Variants in KAZN observed in about 807,000 individuals in gnomAD.
KAZN encodes the protein kazrin, periplakin interacting protein.
A neutral mutation model predicts 87.4 loss-of-function variants in KAZN; 40 were observed. The ratio of observed to expected loss-of-function variants is 0.46; its 90% CI spans 0.36 to 0.60. The LOEUF (loss-of-function observed/expected upper bound fraction) is 0.60, where lower values mean the gene tolerates loss of function less well. Among genes scored for constraint, KAZN ranks in the 20% least tolerant of loss-of-function variants. The probability of loss-of-function intolerance (pLI) is 0.00; values close to 1 mark genes in which losing one functional copy is unlikely to be tolerated. For synonymous variants in KAZN, 466 were observed against 458.3 expected (o/e 1.02, Z -0.22); for missense variants, 898 against 1,073.9 (o/e 0.84, Z 2.29).
chr1:14,865,829 C>T (rs1651389191), intron 1 of KAZN, among the ~76,000 whole-genome samples: 1 of 152,140 alleles, frequency 6.6e-6, no homozygotes, highest in Non-Finnish European at 1.5e-5. Flanking sequence ...AAGAAGGCCA[C>T]GTGGATACAC....
At chr1:14,248,735 C>G (rs565757194) in intron 2 of KAZN, among the ~76,000 whole-genome samples, 3 of 152,228 alleles carry the variant, frequency 2.0e-5, no homozygotes, top group East Asian at 3.8e-4. Flanking sequence ...CTTTGACACT[C>G]TTCCCATGGA....
intron 1 of KAZN, among the ~76,000 whole-genome samples, chr1:14,722,262 T>G (rs1643155308): frequency 6.6e-6 from 1 of 152,232 alleles, no homozygotes; most frequent in Admixed American, 6.5e-5. Context: ...CGTTTTAGTA[T>G]GTGATGATCC....
intron 1 of KAZN, among the ~76,000 whole-genome samples, chr1:14,894,938 C>T (rs1352464848): frequency 3.3e-5 from 5 of 152,266 alleles, no homozygotes; most frequent in Admixed American, 2.0e-4. Context: ...TCAGCTGCCC[C>T]AGAGGCTTCT....
At chr1:14,460,453 G>GGCTTC (rs1301954037) in intron 2 of KAZN, among the ~76,000 whole-genome samples, 19 of 152,336 alleles carry the variant, frequency 1.2e-4, no homozygotes, top group Non-Finnish European at 4.4e-5. Flanking sequence ...TGGGGATGTT[G>GGCTTC]GCTTCTCTCT....
intron 1 of KAZN, among the ~76,000 whole-genome samples, chr1:13,992,548 G>A (rs754998628): frequency 6.6e-6 from 1 of 152,152 alleles, no homozygotes; most frequent in Non-Finnish European, 1.5e-5. Context: ...GCTGACTACT[G>A]TTAGCCAAAC....
At chr1:14,647,141 C>G (rs1680867569) in intron 1 of KAZN, among the ~76,000 whole-genome samples, 1 of 152,182 alleles carries the variant, frequency 6.6e-6, no homozygotes, top group African/African-American at 2.4e-5. Context: ...CTCAGAAAAG[C>G]CATTCCACTA....
rs1442824114 is a variant in KAZN at position 15,027,067 on chromosome 1, C to CTTTT, written c.419-7680_419-7679insTTTT. ...ACTTAGGCAGATTCCCAAGCCAGTG[C>CTTTT]TTCTTTTTTTTTTTTTTTTTTTTTT... On this transcript the variant is annotated intron_variant, in intron 2 of 14. Coordinates refer to ENST00000376030, the MANE Select transcript of KAZN (RefSeq NM_201628.3). Among the ~76,000 whole-genome samples the CTTTT allele has an allele frequency of 1.9e-3, 118 of 62,132 alleles. 2 individuals carry two copies. Among genetic ancestry groups the CTTTT allele is most frequent in the African/African-American group, 4.2e-3 (78 of 18,780 alleles). The allele number at this position is 62,132 out of a possible 152,430, so 40.8% of individuals were successfully genotyped here.
chr1:14,134,704 G>T (rs868469028), intron 1 of KAZN, among the ~76,000 whole-genome samples: 1 of 152,102 alleles, frequency 6.6e-6, no homozygotes. Context: ...TTTTCTAAAT[G>T]ATCCGCCTTG....
chr1:14,589,569 C>A (rs768067415), intron 2 of KAZN, among the ~76,000 whole-genome samples: 3 of 152,158 alleles, frequency 2.0e-5, no homozygotes, highest in Admixed American at 2.0e-4. Context: ...AGATTTTTCC[C>A]GGGGCACTTT....
intron 1 of KAZN, among the ~76,000 whole-genome samples, chr1:14,832,988 A>C (rs1311934886): frequency 6.6e-6 from 1 of 152,264 alleles, no homozygotes; most frequent in Non-Finnish European, 1.5e-5. Flanking sequence ...TGCACAGCTG[A>C]AAAGATATTT....
intron 1 of KAZN, among the ~76,000 whole-genome samples, chr1:14,051,318 A>G (rs1271561198): frequency 1.3e-5 from 2 of 152,152 alleles, no homozygotes; most frequent in Non-Finnish European, 2.9e-5. Context: ...CAGGCCAAGG[A>G]CAGGGCCCTA....
At chr1:14,876,571 T>C (rs1652791845) in intron 1 of KAZN, among the ~76,000 whole-genome samples, 1 of 152,166 alleles carries the variant, frequency 6.6e-6, no homozygotes, top group African/African-American at 2.4e-5. Context: ...CTGGACTGCC[T>C]GGATTCAAGT....
chr1:14,327,810 C>T (rs1656549020), intron 2 of KAZN, among the ~76,000 whole-genome samples: 2 of 152,170 alleles, frequency 1.3e-5, no homozygotes, highest in Admixed American at 1.3e-4. Flanking sequence ...ACTAAATTCA[C>T]AGGTGGCTGA....
At chr1:14,440,734 T>C (rs1666651500) in intron 2 of KAZN, among the ~76,000 whole-genome samples, 1 of 152,178 alleles carries the variant, frequency 6.6e-6, no homozygotes, top group African/African-American at 2.4e-5. Context: ...CTCTTCTGTT[T>C]TGGCAGAGGG....
At chr1:14,772,024 T>C (rs1420175031) in intron 1 of KAZN, among the ~76,000 whole-genome samples, 1 of 152,070 alleles carries the variant, frequency 6.6e-6, no homozygotes, top group Non-Finnish European at 1.5e-5. Context: ...AAATTGGTGC[T>C]CTTTCTAAGA....
chr1:14,705,431 A>G lies in KAZN; in HGVS notation c.226+106208A>G, dbSNP rs138785574. 6.6e-5 allele frequency among the ~76,000 whole-genome samples: 10 copies of G among 152,346 alleles called. No homozygotes were observed. The East Asian group carries it at 1.9e-3, about 29-fold the overall frequency. ...TGATCCAGCAATCCTACTACTGGACATTGATCCAAAGGAAAGGAAATCAGT... is the reference window on the plus strand; with the variant it reads ...TGATCCAGCAATCCTACTACTGGACGTTGATCCAAAGGAAAGGAAATCAGT... On this transcript the variant is annotated intron_variant, in intron 1 of 14. Transcript: ENST00000376030.
At chr1:14,152,952 C>T (rs1183586681) in intron 1 of KAZN, among the ~76,000 whole-genome samples, 1 of 152,134 alleles carries the variant, frequency 6.6e-6, no homozygotes, top group Admixed American at 6.5e-5. Context: ...GAATGTTGAG[C>T]ATCTTTTCAT....
intron 1 of KAZN, among the ~76,000 whole-genome samples, chr1:14,855,275 A>G (rs1649954129): frequency 6.6e-6 from 1 of 152,084 alleles, no homozygotes. Flanking sequence ...TATCTATTGC[A>G]TTTTGTTCTG....
At chr1:14,706,012 C>T (rs1642190245) in intron 1 of KAZN, among the ~76,000 whole-genome samples, 1 of 152,132 alleles carries the variant, frequency 6.6e-6, no homozygotes, top group Non-Finnish European at 1.5e-5. Context: ...ACATTACCAC[C>T]TGAGCTCCGC....
Sources: gnomAD v4.1 joint callset for allele counts (sites outside exome capture counted in the v4.1 genomes callset) on GRCh38, gnomAD v4.1.1 for gene constraint, MANE v1.5 for transcripts, NCBI Gene and HGNC (gene_info 2026-07-23, HGNC 2026-07-21) for gene names.